PPAN: variants seen among roughly 807,000 people sequenced by gnomAD.
PPAN encodes suppressor of SWI4 1 homolog.
Under a neutral mutation model 48.5 loss-of-function variants are expected in PPAN, and 39 were observed. The observed-to-expected ratio is 0.80, with a 90% CI of 0.62 to 1.05. The LOEUF is 1.05. Among genes scored for constraint, PPAN ranks in the 50% least tolerant of loss-of-function variants. The probability of loss-of-function intolerance (pLI) is 0.00; values close to 1 mark genes in which losing one functional copy is unlikely to be tolerated. For synonymous variants in PPAN, 315 were observed against 268.6 expected (o/e 1.17, Z -1.69); for missense variants, 736 against 661.7 (o/e 1.11, Z -1.23).
At position 10,109,292 on chromosome 19, in the gene PPAN, G is replaced by A. The variant is rs1001462745; in HGVS notation, c.514-339G>A. ...TTTTTTTTTAAGAGACGGGGTCTCC[G>A]TACGTTGGTCTTGAACTCCTGGGCA... On this transcript the variant is annotated intron_variant, in intron 5 of 11. Transcript: ENST00000253107. Among the ~76,000 whole-genome samples, 5 of 151,852 alleles carry A rather than the reference G, an allele frequency of 3.3e-5. No individual in the cohort carries two copies. The East Asian group carries it at 7.7e-4, about 23-fold the overall frequency.
At chr19:10,106,848 C>T in intron 2 of PPAN, 177 bp downstream of exon 2, 3 of 1,067,288 alleles carry the variant, frequency 2.8e-6, no homozygotes, top group Non-Finnish European at 3.9e-6. Flanking sequence ...GGAGTGAGGG[C>T]GCGCAGCTTG....
At chr19:10,109,829 A>G in intron 6 of PPAN, 84 bp from the exon 7 acceptor site, 2 of 1,596,440 alleles carry the variant, frequency 1.3e-6, no homozygotes, top group South Asian at 1.1e-5. Context: ...GCCCTGACGC[A>G]CTGTGGGAAG....
At chr19:10,107,930 T>C (rs761282128) in intron 4 of PPAN, 34 bp from the exon 5 acceptor site, 4 of 1,599,312 alleles carry the variant, frequency 2.5e-6, no homozygotes, top group Admixed American at 1.7e-5. Flanking sequence ...CATGTGTGGT[T>C]GGTGGTCACC....
In PPAN at chr19:10,110,662, T is replaced by C. The variant is rs2089021357; in HGVS notation, c.1032-35T>C. On this transcript the variant is annotated intron_variant, in intron 10 of 11. Transcript: ENST00000253107. The surrounding 1 kb of genome is among the most constrained non-coding windows in gnomAD (Gnocchi z 5.9). Reference sequence around the variant, plus strand: ...CAGGGCCAAGGGGGGGTCCCTGGGATGGGCGGCTATGTTGACCCCCACGCC... The same window carrying C: ...CAGGGCCAAGGGGGGGTCCCTGGGACGGGCGGCTATGTTGACCCCCACGCC... 6.2e-7 allele frequency: 1 copy of C among 1,611,348 alleles called. No individual in the cohort carries two copies. The highest frequency in any genetic ancestry group is 1.3e-5 in the African/African-American group (1 of 74,684).
rs957466776 is a variant in PPAN at position 10,106,789 on chromosome 19, G to T, written c.189+118G>T. 5 of 1,400,318 alleles carry T rather than the reference G, an allele frequency of 3.6e-6. No homozygotes were observed. The Admixed American group carries it at 1.3e-4, about 37-fold the overall frequency. The allele number at this position is 1,400,318 out of a possible 1,614,324, so 86.7% of individuals were successfully genotyped here. On this transcript the variant is annotated intron_variant, in intron 2 of 11. Transcript: ENST00000253107. Reference sequence around the variant, plus strand: ...TTAAGTCTCCCCAGCTGGAAAAAAAGACCCTCATGGGGAGCATCATTTCTG... The same window carrying T: ...TTAAGTCTCCCCAGCTGGAAAAAAATACCCTCATGGGGAGCATCATTTCTG...
chr19:10,106,333 G>T, upstream of PPAN: 1 of 1,547,160 alleles, frequency 6.5e-7, no homozygotes, highest in Non-Finnish European at 8.7e-7. Flanking sequence ...TCAGGCGCCG[G>T]AAGTGAGCTG....
In PPAN at chr19:10,111,005, G is replaced by T; in HGVS notation, c.1262G>T (p.Arg421Leu). ...AAGTCTCCAGGGCGGAAGCGGAAGC[G>T]GTGGGAAATGGATCGAGGCAGGGGT... ...LAKSPGRKRK[R>L]WEMDRGRGRL... Residue 421 changes from arginine to leucine, a missense_variant, in exon 12 of 12, where the codon CGG (arginine) becomes CTG (leucine). Transcript: ENST00000253107. 6.2e-7 allele frequency: 1 copy of T among 1,613,462 alleles called. No individual in the cohort carries two copies. Among genetic ancestry groups the T allele is most frequent in the South Asian group, 1.1e-5 (1 of 91,080 alleles).
At position 10,111,016 on chromosome 19, in the gene PPAN, G is replaced by A; in HGVS notation, c.1273G>A (p.Asp425Asn). 1 of 1,613,608 alleles carries A rather than the reference G, an allele frequency of 6.2e-7. No homozygotes were observed. The highest frequency in any genetic ancestry group is 8.5e-7 in the Non-Finnish European group (1 of 1,179,982). Residue 425 changes from aspartate (D) to asparagine (N), a missense_variant, in exon 12 of 12, where the codon GAT becomes AAT. By Grantham distance (23) the Asp-to-Asn change is conservative. Coordinates refer to ENST00000253107, the MANE Select transcript of PPAN (RefSeq NM_020230.7). ...PGRKRKRWEM[D>N]RGRGRLCDQK... ...GCGGAAGCGGAAGCGGTGGGAAATG[G>A]ATCGAGGCAGGGGTCGCCTTTGTGA... is the stretch of plus-strand genomic sequence containing the variant.
chr19:10,106,727 T>C, intron 2 of PPAN, 56 bp downstream of exon 2: 2 of 1,482,938 alleles, frequency 1.3e-6, no homozygotes, highest in Non-Finnish European at 1.8e-6. Context: ...TCTTCGTAGC[T>C]GCAGTAATGG....
At chr19:10,108,666 C>T (rs1826248266) in intron 5 of PPAN, among the ~76,000 whole-genome samples, 1 of 151,378 alleles carries the variant, frequency 6.6e-6, no homozygotes, top group Non-Finnish European at 1.5e-5. Context: ...GTGGGAGGAT[C>T]ACCTGAGCCC....
Position 10,110,915 on chromosome 19 carries a change from T to G in PPAN, c.1202-30T>G, listed in dbSNP as rs767780107. On this transcript the variant is annotated intron_variant, in intron 11 of 11. Coordinates refer to ENST00000253107, the MANE Select transcript of PPAN (RefSeq NM_020230.7). This position sits in a 1 kb window ranked among gnomAD's most constrained non-coding sequence, Gnocchi z 5.9. ...GGCACCCAGAGCCTGTCCTTGTCTC[T>G]GGGGGCCCTGACACTGTCTCTCCCC... 7 of 1,612,870 alleles carry G rather than the reference T, an allele frequency of 4.3e-6. No individual in the cohort carries two copies. The East Asian group carries it at 1.6e-4, about 36-fold the overall frequency.
rs2089093613 is a variant in PPAN, at chr19:10,111,891, C to CACG, written c.*728_*730dup. 1.2e-6 allele frequency: 1 copy of CACG among 838,320 alleles called. No homozygotes were observed. Among genetic ancestry groups the CACG allele is most frequent in the African/African-American group, 1.7e-5 (1 of 59,504 alleles). The allele number at this position is 838,320 out of a possible 1,614,324, so 51.9% of individuals were successfully genotyped here. ...CTTTGGGAGGTCGAGGGGGGTGGAA[C>CACG]ACGAGGTCAGGGGTTCGAGACCACC... On this transcript the variant is annotated 3_prime_UTR_variant, in exon 12 of 12. Coordinates refer to ENST00000253107, the MANE Select transcript of PPAN (RefSeq NM_020230.7).
At chr19:10,109,774 C>G in intron 6 of PPAN, 67 bp downstream of exon 6, 1 of 1,592,068 alleles carries the variant, frequency 6.3e-7, no homozygotes, top group Non-Finnish European at 8.6e-7. Flanking sequence ...CGGCTGATGA[C>G]AGCACTTCTG....
upstream of PPAN, chr19:10,106,253 G>GC (rs993584064): frequency 1.4e-6 from 2 of 1,419,426 alleles, no homozygotes; most frequent in African/African-American, 1.5e-5. Flanking sequence ...CCATCTGATT[G>GC]CCCCTCCCCG....
In PPAN at chr19:10,107,488, CTTTT is replaced by C; in HGVS notation, c.190-15_190-12del. ...GGGATAAGCTATGTTTTCTTTTTTT[CTTTT>C]TGTCATTTCCAGGTTCGTAAGAAGA... On this transcript the variant is annotated splice_polypyrimidine_tract_variant and intron_variant, in intron 2 of 11. Transcript: ENST00000253107. 1.2e-6 allele frequency: 2 copies of C among 1,609,190 alleles called. No homozygotes were observed. Among genetic ancestry groups the C allele is most frequent in the East Asian group, 4.5e-5 (2 of 44,870 alleles).
In PPAN at chr19:10,109,964, C is replaced by G. The variant is rs2088988077; in HGVS notation, c.642C>G (p.Leu214=). The G allele has an allele frequency of 1.9e-6, 3 of 1,613,932 alleles. No homozygotes were observed. In the African/African-American group the frequency reaches 4.0e-5, roughly 22 times the overall value. ...VGASRGMKKL[L]QEKFPNMSRL... is the part of the protein sequence containing the mutation. The stretch of plus-strand genomic sequence containing the variant: ...CGAGTCGCGGGATGAAGAAGCTGCT[C>G]CAGGAGAAGTTCCCCAACATGAGCC... Residue 214 remains leucine, a synonymous_variant, in exon 7 of 12, where the codon CTC becomes CTG. Transcript: ENST00000253107.
Position 10,111,054 on chromosome 19 carries a change from C to G in PPAN, c.1311C>G (p.Pro437=). 6.2e-7 allele frequency: 1 copy of G among 1,613,632 alleles called. No homozygotes were observed. Among genetic ancestry groups the G allele is most frequent in the Non-Finnish European group, 8.5e-7 (1 of 1,179,942 alleles). The change falls in exon 12 of 12, where the codon CCC becomes CCG. Residue 437 remains proline, a synonymous_variant. Transcript: ENST00000253107. The stretch of plus-strand genomic sequence containing the variant: ...GTCGCCTTTGTGACCAGAAGTTTCC[C>G]AAGACCAAGGACAAGTCCCAGGGAG... ...GRGRLCDQKF[P]KTKDKSQGAQ...
chr19:10,110,919 G>T lies in PPAN; in HGVS notation c.1202-26G>T. Reference sequence around the variant, plus strand: ...CCCAGAGCCTGTCCTTGTCTCTGGGGGCCCTGACACTGTCTCTCCCCACAG... The same window carrying T: ...CCCAGAGCCTGTCCTTGTCTCTGGGTGCCCTGACACTGTCTCTCCCCACAG... On this transcript the variant is annotated intron_variant, in intron 11 of 11. Transcript: ENST00000253107. This position sits in a 1 kb window ranked among gnomAD's most constrained non-coding sequence, Gnocchi z 5.9. The T allele has an allele frequency of 1.2e-6, 2 of 1,613,250 alleles. No individual in the cohort carries two copies. Among genetic ancestry groups the T allele is most frequent in the Non-Finnish European group, 1.7e-6 (2 of 1,179,848 alleles).
In PPAN at chr19:10,106,787, A is replaced by G. The variant is rs28565143; in HGVS notation, c.189+116A>G. ...ACTTAAGTCTCCCCAGCTGGAAAAAAAGACCCTCATGGGGAGCATCATTTC... is the reference window on the plus strand; with the variant it reads ...ACTTAAGTCTCCCCAGCTGGAAAAAGAGACCCTCATGGGGAGCATCATTTC... On this transcript the variant is annotated intron_variant, in intron 2 of 11. Transcript: ENST00000253107. 9.9e-3 allele frequency: 14,054 copies of G among 1,413,506 alleles called. 541 individuals are homozygous for G. In the African/African-American group the frequency reaches 0.1, roughly 10 times the overall value. The allele number at this position is 1,413,506 out of a possible 1,614,324, so 87.6% of individuals were successfully genotyped here.
Sources: gnomAD v4.1 joint callset for allele counts (sites outside exome capture counted in the v4.1 genomes callset) on GRCh38, gnomAD v4.1.1 for gene constraint, Gnocchi (gnomAD v3.1) non-coding constraint, MANE v1.5 for transcripts, NCBI Gene and HGNC (gene_info 2026-07-23, HGNC 2026-07-21) for gene names.